The following ACE variants were observed in gnomAD, a reference collection of about 807,000 sequenced individuals.
ACE encodes the protein angiotensin I converting enzyme.
Under a neutral mutation model 162.3 loss-of-function variants are expected in ACE, and 122 were observed. The ratio of observed to expected loss-of-function variants is 0.75; its 90% CI spans 0.65 to 0.87. ACE has a LOEUF of 0.87. Among genes scored for constraint, ACE ranks in the 40% least tolerant of loss-of-function variants. The pLI is 0.00. For missense variants in ACE, 1,799 were observed against 1,735.1 expected (o/e 1.04, Z -0.65); for synonymous variants, 796 against 720.6 (o/e 1.10, Z -1.68).
intron 6 of ACE, 88 bp downstream of exon 6, chr17:63,481,276 G>T (rs2073798837): frequency 6.2e-6 from 8 of 1,285,556 alleles, no homozygotes; most frequent in Non-Finnish European, 5.6e-6. Flanking sequence ...GGGCGGGAAG[G>T]TTTCGGGTAC....
rs2029862200 is a variant in ACE, at chr17:63,484,275, G to A, written c.1710-55G>A. 6.4e-7 allele frequency: 1 copy of A among 1,560,708 alleles called. No homozygotes were observed. Among genetic ancestry groups the A allele is most frequent in the Non-Finnish European group, 8.7e-7 (1 of 1,153,422 alleles). ...CCAGGGGCATGTGGGCCGGGGTCCA[G>A]GAGCAGACTCCAGCCTGAGTCCCCT... On this transcript the variant is annotated intron_variant, in intron 11 of 24. Transcript: ENST00000290866. The surrounding 1 kb of genome is among the most constrained non-coding windows in gnomAD (Gnocchi z 4.0).
At chr17:63,478,854 TAA>T (rs2049660805) in intron 2 of ACE, 151 bp from the exon 3 acceptor site, 1 of 703,070 alleles carries the variant, frequency 1.4e-6, no homozygotes, top group African/African-American at 1.7e-5. Flanking sequence ...CCGGTCACAC[TAA>T]GTGACACTTA....
rs2030403925 is a variant in ACE, at chr17:63,491,807, A to G, written c.2912+426A>G. ...GCTCAGAAGCTGCCTTCCTTGGAGG[A>G]TGGCGTTTTAGTTACCTATTGCTGT... On this transcript the variant is annotated intron_variant, in intron 19 of 24. Transcript: ENST00000290866. The surrounding 1 kb of genome is among the most constrained non-coding windows in gnomAD (Gnocchi z 4.4). 6.6e-6 allele frequency among the ~76,000 whole-genome samples: 1 copy of G among 152,158 alleles called. No individual in the cohort carries two copies. Among genetic ancestry groups the G allele is most frequent in the Admixed American group, 6.5e-5 (1 of 15,274 alleles).
chr17:63,481,301 G>A, intron 6 of ACE, 113 bp downstream of exon 6: 1 of 1,057,654 alleles, frequency 9.5e-7, no homozygotes, highest in Admixed American at 2.0e-5. Context: ...CAGCAGCCTG[G>A]TGTGTCTGTA....
rs771849221 is a variant in ACE at position 63,491,930 on chromosome 17, G to A, written c.2912+549G>A. 2.0e-5 allele frequency among the ~76,000 whole-genome samples: 3 copies of A among 152,332 alleles called. No individual in the cohort carries two copies. Among genetic ancestry groups the A allele is most frequent in the Non-Finnish European group, 2.9e-5 (2 of 68,028 alleles). On this transcript the variant is annotated intron_variant, in intron 19 of 24. Transcript: ENST00000290866. This position sits in a 1 kb window ranked among gnomAD's most constrained non-coding sequence, Gnocchi z 4.4. ...ATTCAGGCAGTACACAGTGGAAATG[G>A]CCTTTCTCTACAGGGCCCCCTCTGT...
At position 63,477,991 on chromosome 17, in the gene ACE, C is replaced by T. The variant is rs1331429699; in HGVS notation, c.310C>T (p.Leu104=). 2 of 1,612,228 alleles carry T rather than the reference C, an allele frequency of 1.2e-6. No individual in the cohort carries two copies. The highest frequency in any genetic ancestry group is 1.3e-5 in the African/African-American group (1 of 75,054). Residue 104 remains leucine, a synonymous_variant, in exon 2 of 25, where the codon CTG becomes TTG. Transcript: ENST00000290866. ...GGCCTGGGGCCAGAAGGCCAAGGAG[C>T]TGTATGAACCGATCTGGCAGAACTT... ...AEAWGQKAKE[L]YEPIWQNFTD... is the part of the protein sequence containing the mutation.
chr17:63,496,923 C>T lies in ACE; in HGVS notation c.3629C>T (p.Thr1210Met), dbSNP rs12720742. ...YFKPLLDWLR[T>M]ENELHGEKLG... ...AAGCCGCTGCTGGACTGGCTCCGCACGGAGAACGAGCTGCATGGGGAGAAG... is the reference window on the plus strand; with the variant it reads ...AAGCCGCTGCTGGACTGGCTCCGCATGGAGAACGAGCTGCATGGGGAGAAG... Residue 1210 changes from threonine to methionine, a missense_variant, in exon 24 of 25, where the codon ACG (threonine) becomes ATG (methionine). By Grantham distance (81) the Thr-to-Met change is moderately conservative (BLOSUM62 -1). Coordinates refer to ENST00000290866, the MANE Select transcript of ACE (RefSeq NM_000789.4). 2.5e-4 allele frequency: 400 copies of T among 1,613,506 alleles called. No homozygotes were observed. The African/African-American group carries it at 3.2e-3, about 13-fold the overall frequency.
Position 63,484,067 on chromosome 17 carries a change from G to T in ACE, c.1709+96G>T. Reference sequence around the variant, plus strand: ...TCTGGCTGCTCTGATGGGGTGGGGGGCACCAACCACAGAGCTGGACTGATG... The same window carrying T: ...TCTGGCTGCTCTGATGGGGTGGGGGTCACCAACCACAGAGCTGGACTGATG... On this transcript the variant is annotated intron_variant, in intron 11 of 24. Coordinates refer to ENST00000290866, the MANE Select transcript of ACE (RefSeq NM_000789.4). This position sits in a 1 kb window ranked among gnomAD's most constrained non-coding sequence, Gnocchi z 4.0. 1.3e-6 allele frequency: 2 copies of T among 1,515,894 alleles called. No homozygotes were observed. The highest frequency in any genetic ancestry group is 8.8e-7 in the Non-Finnish European group (1 of 1,130,896). 93.9% of individuals were successfully genotyped at this position (1,515,894 alleles called of 1,614,324 possible). A position where few individuals can be genotyped will look rare whatever the true frequency, so the allele number is the denominator to read the frequency against.
rs765157268 is a variant in ACE at position 63,484,381 on chromosome 17, C to T, written c.1761C>T (p.Asp587=). ...SSRPWQEVLK[D]MVGLDALDAQ... ...GGCCCTGGCAGGAGGTGCTGAAGGA[C>T]ATGGTCGGCTTAGATGCCCTGGATG... Residue 587 remains aspartate (D), a synonymous_variant, in exon 12 of 25, where the codon GAC becomes GAT. Coordinates refer to ENST00000290866, the MANE Select transcript of ACE (RefSeq NM_000789.4). The surrounding 1 kb of genome is among the most constrained non-coding windows in gnomAD (Gnocchi z 4.0). 1.2e-6 allele frequency: 2 copies of T among 1,611,964 alleles called. No homozygotes were observed. Among genetic ancestry groups the T allele is most frequent in the South Asian group, 2.2e-5 (2 of 90,928 alleles).
At chr17:63,496,741 G>A (rs2030758514) in intron 23 of ACE, 57 bp from the exon 24 acceptor site, 2 of 1,603,632 alleles carry the variant, frequency 1.2e-6, no homozygotes, top group African/African-American at 1.3e-5. Flanking sequence ...GATGTCAGGT[G>A]GGGGCAAGAG....
At chr17:63,496,050 T>G (rs1051834643) in intron 22 of ACE, 7 of 374,750 alleles carry the variant, frequency 1.9e-5, no homozygotes, top group Admixed American at 1.1e-4. Context: ...TTGCCTCTAC[T>G]TGCATATACC....
At chr17:63,489,186 G>A (rs1032924651) in intron 17 of ACE, 54 bp downstream of exon 17, 58 of 1,585,780 alleles carry the variant, frequency 3.7e-5, no homozygotes, top group Non-Finnish European at 4.6e-5. Context: ...CAGTGTGAGT[G>A]AGGGTTGGGA....
chr17:63,488,243 T>C (rs1238119426), intron 15 of ACE, among the ~76,000 whole-genome samples: 1 of 151,416 alleles, frequency 6.6e-6, no homozygotes, highest in Non-Finnish European at 1.5e-5. Flanking sequence ...CCTGTAGTCC[T>C]AGCTGCTAGG....
Position 63,483,476 on chromosome 17 carries a change from A to T in ACE, c.1504A>T (p.Ile502Phe). The T allele has an allele frequency of 6.2e-7, 1 of 1,613,908 alleles. No homozygotes were observed. The highest frequency in any genetic ancestry group is 8.5e-7 in the Non-Finnish European group (1 of 1,179,840). Residue 502 changes from isoleucine (I) to phenylalanine (F), a missense_variant, in exon 10 of 25, where the codon ATC (isoleucine) becomes TTC (phenylalanine). Ile to Phe is a conservative substitution (Grantham distance 21). Transcript: ENST00000290866. ...CTTTTCCAGAACCAAGTATCAGGGG[A>T]TCTGTCCTCCTGTTACCCGAAACGA... ...WWYLRTKYQG[I>F]CPPVTRNETH... is the part of the protein sequence containing the mutation.
intron 13 of ACE, 66 bp downstream of exon 13, chr17:63,485,438 A>G: frequency 3.1e-6 from 5 of 1,595,042 alleles, no homozygotes; most frequent in Non-Finnish European, 4.3e-6. Context: ...TGTCCCGCTC[A>G]CCACACAGTG....
chr17:63,480,402 G>C lies in ACE; in HGVS notation c.721G>C (p.Glu241Gln), dbSNP rs763411587. 7.4e-6 allele frequency: 12 copies of C among 1,614,002 alleles called. No individual in the cohort carries two copies. The highest frequency in any genetic ancestry group is 1.0e-5 in the Non-Finnish European group (12 of 1,180,040). ...YNSPTFEDDL[E>Q]HLYQQLEPLY... is the part of the protein sequence containing the mutation. ...CTCCCCCACCTTCGAGGACGATCTG[G>C]AACACCTCTACCAACAGCTAGAGCC... is the stretch of plus-strand genomic sequence containing the variant. Residue 241 changes from glutamate to glutamine, a missense_variant, in exon 5 of 25, where the codon GAA becomes CAA. Physicochemically the swap from Glu to Gln is conservative, Grantham distance 29 (BLOSUM62 2). Transcript: ENST00000290866.
In ACE at chr17:63,496,390, C is replaced by T. The variant is rs201962955; in HGVS notation, c.3381-4C>T. The T allele has an allele frequency of 2.9e-4, 462 of 1,614,126 alleles. 2 individuals are homozygous for T. The highest frequency in any genetic ancestry group is 4.9e-4 in the Middle Eastern group (3 of 6,062). ...CCCCGGGCCACGGCCTCGCTCTGCTCCAGGTACTTTGTCAGCTTCATCATC... is the reference window on the plus strand; with the variant it reads ...CCCCGGGCCACGGCCTCGCTCTGCTTCAGGTACTTTGTCAGCTTCATCATC... On this transcript the variant is annotated splice_polypyrimidine_tract_variant and splice_region_variant and intron_variant, in intron 22 of 24. Coordinates refer to ENST00000290866, the MANE Select transcript of ACE (RefSeq NM_000789.4).
Position 63,483,567 on chromosome 17 carries a change from G to GCGGGGGGGCGCCCCCCCCCCCCCCCC in ACE, c.1586+10_1586+11insGGGGGGGCGCCCCCCCCCCCCCCCCC. The GCGGGGGGGCGCCCCCCCCCCCCCCCC allele has an allele frequency of 1.3e-6, 2 of 1,589,574 alleles. No individual in the cohort carries two copies. Among genetic ancestry groups the GCGGGGGGGCGCCCCCCCCCCCCCCCC allele is most frequent in the Non-Finnish European group, 1.7e-6 (2 of 1,165,682 alleles). On this transcript the variant is annotated intron_variant, in intron 10 of 24. Transcript: ENST00000290866. The stretch of plus-strand genomic sequence containing the variant: ...GTGACACCATACATCAGGTATTAGC[G>GCGGGGGGGCGCCCCCCCCCCCCCCCC]CCCCCACCCCACCCACCCCCAGTAC...
chr17:63,477,520 G>A, intron 1 of ACE, 177 bp downstream of exon 1: 2 of 340,768 alleles, frequency 5.9e-6, no homozygotes, highest in Non-Finnish European at 8.6e-6. Context: ...CACGGCCTGC[G>A]CTCCCAGCAT....
Sources: gnomAD v4.1 joint callset for allele counts (sites outside exome capture counted in the v4.1 genomes callset) on GRCh38, gnomAD v4.1.1 for gene constraint, Gnocchi (gnomAD v3.1) non-coding constraint, MANE v1.5 for transcripts, NCBI Gene and HGNC (gene_info 2026-07-23, HGNC 2026-07-21) for gene names.